Variants in CAMLG observed in about 807,000 individuals in gnomAD.
The protein encoded by CAMLG is calcium modulating ligand, also known as guided entry of tail-anchored proteins factor CAMLG.
CAMLG carries 23 observed loss-of-function variants against 28.9 expected under a neutral mutation model. The observed-to-expected ratio is 0.80, with a 90% confidence interval of 0.57 to 1.13. CAMLG has a LOEUF of 1.13. Among genes scored for constraint, CAMLG ranks in the 50% most tolerant of loss-of-function variants. The probability of loss-of-function intolerance (pLI) is 0.00; values close to 1 mark genes in which losing one functional copy is unlikely to be tolerated. For synonymous variants in CAMLG, 141 were observed against 146.5 expected (o/e 0.96, Z 0.27); for missense variants, 367 against 371.9 (o/e 0.99, Z 0.11).
intron 3 of CAMLG, among the ~76,000 whole-genome samples, chr5:134,749,053 C>T (rs1188790206): frequency 2.0e-5 from 3 of 147,130 alleles, no homozygotes; most frequent in Non-Finnish European, 4.5e-5. Flanking sequence ...GCTTTCATTT[C>T]TTTTAGGTAA....
At chr5:134,742,435 T>C (rs750255756) in intron 2 of CAMLG, among the ~76,000 whole-genome samples, 1 of 152,194 alleles carries the variant, frequency 6.6e-6, no homozygotes, top group African/African-American at 2.4e-5. Context: ...ATATATATAC[T>C]GTATATTATC....
At chr5:134,750,221 A>G (rs2150122681) in intron 3 of CAMLG, among the ~76,000 whole-genome samples, 1 of 152,184 alleles carries the variant, frequency 6.6e-6, no homozygotes, top group East Asian at 1.9e-4. Context: ...CATACTTCCA[A>G]GATAACACTT....
chr5:134,741,172 A>T lies in CAMLG; in HGVS notation c.282A>T (p.Gly94=), dbSNP rs759454520. The change falls in exon 2 of 4, where the codon GGA becomes GGT. Residue 94 remains glycine (G), a synonymous_variant. Coordinates refer to ENST00000297156, the MANE Select transcript of CAMLG (RefSeq NM_001745.4). The part of the protein sequence containing the change: ...RVVLGDSVST[G]TTDQQGGVAE... Reference sequence around the variant, plus strand: ...TGCTGGGTGATTCAGTCAGTACAGGAACAACTGACCAGCAGGGTGGTGTGG... The same window carrying T: ...TGCTGGGTGATTCAGTCAGTACAGGTACAACTGACCAGCAGGGTGGTGTGG... 1.9e-6 allele frequency: 3 copies of T among 1,614,052 alleles called. No homozygotes were observed. The highest frequency in any genetic ancestry group is 2.5e-6 in the Non-Finnish European group (3 of 1,179,872).
rs560027009 is a variant in CAMLG at position 134,741,538 on chromosome 5, G to T, written c.633+15G>T. On this transcript the variant is annotated intron_variant, in intron 2 of 3. Transcript: ENST00000297156. ...GCAAATACTTGGTAAGAAAAGATCTGTAAATTATTAACTAACTTAATGGAA... is the reference window on the plus strand; with the variant it reads ...GCAAATACTTGGTAAGAAAAGATCTTTAAATTATTAACTAACTTAATGGAA... 12 of 1,505,318 alleles carry T rather than the reference G, an allele frequency of 8.0e-6. No individual in the cohort carries two copies. The highest frequency in any genetic ancestry group is 1.1e-5 in the Non-Finnish European group (12 of 1,096,680). The allele number at this position is 1,505,318 out of a possible 1,614,324, so 93.2% of individuals were successfully genotyped here.
chr5:134,740,531 T>G (rs1752969455), intron 1 of CAMLG, among the ~76,000 whole-genome samples: 1 of 152,228 alleles, frequency 6.6e-6, no homozygotes, highest in East Asian at 1.9e-4. Context: ...GTTTGGGTTA[T>G]TTCCTCTGCA....
intron 3 of CAMLG, among the ~76,000 whole-genome samples, chr5:134,749,876 T>G (rs1753093220): frequency 6.6e-6 from 1 of 152,166 alleles, no homozygotes; most frequent in Non-Finnish European, 1.5e-5. Flanking sequence ...AGCTAATTTT[T>G]GTATTTGTTG....
chr5:134,751,156 G>A lies in CAMLG; in HGVS notation c.*206G>A. ...TATTATTACTGATATGAAGAATAGA[G>A]TACCAATGTCATTAATTGATTTTTC... is the stretch of plus-strand genomic sequence containing the variant. On this transcript the variant is annotated 3_prime_UTR_variant, in exon 4 of 4. Coordinates refer to ENST00000297156, the MANE Select transcript of CAMLG (RefSeq NM_001745.4). 2 of 441,564 alleles carry A rather than the reference G, an allele frequency of 4.5e-6. No individual in the cohort carries two copies. Among genetic ancestry groups the A allele is most frequent in the Non-Finnish European group, 8.0e-6 (2 of 249,118 alleles). 27.4% of individuals were successfully genotyped at this position (441,564 alleles called of 1,614,324 possible). A position where few individuals can be genotyped will look rare whatever the true frequency, so the allele number is the denominator to read the frequency against.
chr5:134,744,808 G>A (rs1753026687), intron 3 of CAMLG, among the ~76,000 whole-genome samples: 1 of 152,174 alleles, frequency 6.6e-6, no homozygotes, highest in African/African-American at 2.4e-5. Context: ...TTGAGGGCCT[G>A]ATATTTGCAA....
In CAMLG at chr5:134,751,451, T is replaced by C. The variant is rs1753112895; in HGVS notation, c.*501T>C. On this transcript the variant is annotated 3_prime_UTR_variant, in exon 4 of 4. Transcript: ENST00000297156. ...ATCTTAATTTTTACTCCAGCACAAG[T>C]ATTTAATCAAAGAAAAGATTCATAC... 1 of 152,268 alleles carries C rather than the reference T, an allele frequency of 6.6e-6. No homozygotes were observed. Among genetic ancestry groups the C allele is most frequent in the South Asian group, 2.1e-4 (1 of 4,834 alleles). The allele number at this position is 152,268 out of a possible 1,614,324, so 9.4% of individuals were successfully genotyped here.
At position 134,751,172 on chromosome 5, in the gene CAMLG, T is replaced by C. The variant is rs1195710151; in HGVS notation, c.*222T>C. 2.0e-5 allele frequency: 8 copies of C among 393,428 alleles called. No individual in the cohort carries two copies. The highest frequency in any genetic ancestry group is 3.6e-5 in the Non-Finnish European group (8 of 219,812). 24.4% of individuals were successfully genotyped at this position (393,428 alleles called of 1,614,324 possible). ...AAGAATAGAGTACCAATGTCATTAA[T>C]TGATTTTTCTTGTTAATCAGAATTC... On this transcript the variant is annotated 3_prime_UTR_variant, in exon 4 of 4. Coordinates refer to ENST00000297156, the MANE Select transcript of CAMLG (RefSeq NM_001745.4).
At position 134,750,857 on chromosome 5, in the gene CAMLG, A is replaced by C; in HGVS notation, c.798A>C (p.Lys266Asn). 6.2e-7 allele frequency: 1 copy of C among 1,614,066 alleles called. No homozygotes were observed. The highest frequency in any genetic ancestry group is 8.5e-7 in the Non-Finnish European group (1 of 1,179,958). ...ATCGATCAATGGATACCTATAGCAA[A>C]ATGGGCGAAGTCTTCACAGATCTCT... ...VINRSMDTYS[K>N]MGEVFTDLCV... The change falls in exon 4 of 4, where the codon AAA becomes AAC. Residue 266 changes from lysine (K) to asparagine (N), a missense_variant. Coordinates refer to ENST00000297156, the MANE Select transcript of CAMLG (RefSeq NM_001745.4).
chr5:134,741,456 G>A lies in CAMLG; in HGVS notation c.566G>A (p.Arg189Gln), dbSNP rs751766092. The change falls in exon 2 of 4, where the codon CGA (arginine) becomes CAA (glutamine). Residue 189 changes from arginine (R) to glutamine (Q), a missense_variant. Physicochemically the swap from Arg to Gln is conservative, Grantham distance 43. Transcript: ENST00000297156. ...ACAACAGAAGAATTTGACTCTTTTCGAATATTTAGATTGGTGGGATGTGCT... is the reference window on the plus strand; with the variant it reads ...ACAACAGAAGAATTTGACTCTTTTCAAATATTTAGATTGGTGGGATGTGCT... ...GNTTEEFDSF[R>Q]IFRLVGCALL... The A allele has an allele frequency of 4.1e-5, 66 of 1,613,918 alleles. 1 individual carries two copies. Among genetic ancestry groups the A allele is most frequent in the South Asian group, 3.2e-4 (29 of 91,086 alleles).
intron 1 of CAMLG, among the ~76,000 whole-genome samples, chr5:134,740,052 A>AC (rs1308157987): frequency 2.0e-5 from 3 of 152,114 alleles, no homozygotes; most frequent in African/African-American, 7.2e-5. Flanking sequence ...ATTTAAAAAA[A>AC]AATTGTGTGT....
intron 3 of CAMLG, among the ~76,000 whole-genome samples, 166 bp from the exon 4 acceptor site, chr5:134,750,593 C>T (rs1753102225): frequency 6.6e-6 from 1 of 151,452 alleles, no homozygotes; most frequent in Admixed American, 6.6e-5. Flanking sequence ...TGATGAGTTA[C>T]ATATTATATG....
At position 134,751,017 on chromosome 5, in the gene CAMLG, C is replaced by T; in HGVS notation, c.*67C>T. 1.6e-6 allele frequency: 2 copies of T among 1,217,960 alleles called. No individual in the cohort carries two copies. The highest frequency in any genetic ancestry group is 2.3e-6 in the Non-Finnish European group (2 of 862,204). 75.4% of individuals were successfully genotyped at this position (1,217,960 alleles called of 1,614,324 possible). ...AATCCTCTTCTATATTGCAGTGTCT[C>T]TAAAGGAGGCAAATTGGTTTACACC... is the stretch of plus-strand genomic sequence containing the variant. On this transcript the variant is annotated 3_prime_UTR_variant, in exon 4 of 4. Transcript: ENST00000297156.
At chr5:134,743,121 A>G (rs1183827913) in intron 2 of CAMLG, among the ~76,000 whole-genome samples, 1 of 152,164 alleles carries the variant, frequency 6.6e-6, no homozygotes, top group Non-Finnish European at 1.5e-5. Context: ...TCTGGGCTCA[A>G]GCAGTCCTCC....
At chr5:134,738,942 A>C (rs548045142) in intron 1 of CAMLG, 150 bp downstream of exon 1, 7 of 770,678 alleles carry the variant, frequency 9.1e-6, no homozygotes, top group African/African-American at 5.4e-5. Context: ...TGATATCCCA[A>C]GTTCTCATCC....
chr5:134,744,292 G>A (rs897963483), intron 3 of CAMLG, among the ~76,000 whole-genome samples: 1 of 152,136 alleles, frequency 6.6e-6, no homozygotes, highest in Non-Finnish European at 1.5e-5. Context: ...AAGAGGCTGA[G>A]GTGGGTGGAT....
intron 3 of CAMLG, among the ~76,000 whole-genome samples, chr5:134,745,943 A>G (rs1027406088): frequency 7.3e-5 from 11 of 151,560 alleles, no homozygotes; most frequent in Non-Finnish European, 1.2e-4. Context: ...TTTCGAGACC[A>G]GCCTGACCAA....
Sources: gnomAD v4.1 joint callset for allele counts (sites outside exome capture counted in the v4.1 genomes callset) on GRCh38, gnomAD v4.1.1 for gene constraint, MANE v1.5 for transcripts, NCBI Gene and HGNC (gene_info 2026-07-23, HGNC 2026-07-21) for gene names.